Variants in ARHGAP39 observed in about 807,000 individuals in gnomAD.
ARHGAP39 encodes the protein Rho GTPase activating protein 39.
Under a neutral mutation model 106.9 loss-of-function variants are expected in ARHGAP39, and 44 were observed. The ratio of observed to expected loss-of-function variants is 0.41; its 90% confidence interval spans 0.32 to 0.53. The LOEUF is 0.53. Ranked by LOEUF, ARHGAP39 falls within the 20% of genes least tolerant of loss-of-function variation. The probability of loss-of-function intolerance (pLI) is 0.21; values close to 1 mark genes in which losing one functional copy is unlikely to be tolerated. For missense variants in ARHGAP39, 1,496 were observed against 1,577.3 expected, an observed-to-expected ratio of 0.95 and a Z score of 0.87; for synonymous variants, 768 against 693.2, an observed-to-expected ratio of 1.11 and a Z score of -1.69.
chr8:144,594,062 G>A (rs545191990), intron 2 of ARHGAP39, among the ~76,000 whole-genome samples: 6 of 146,256 alleles, frequency 4.1e-5, no homozygotes, highest in African/African-American at 1.0e-4. Flanking sequence ...GCACTCCAGC[G>A]TGGGCGACAA....
At chr8:144,611,429 A>G (rs960956848) in intron 1 of ARHGAP39, among the ~76,000 whole-genome samples, 2 of 152,302 alleles carry the variant, frequency 1.3e-5, no homozygotes, top group Non-Finnish European at 2.9e-5. Context: ...TCTATCCATC[A>G]CTGAGAAACA....
At chr8:144,555,248 T>C (rs1367547841) in intron 4 of ARHGAP39, among the ~76,000 whole-genome samples, 1 of 152,246 alleles carries the variant, frequency 6.6e-6, no homozygotes, top group Non-Finnish European at 1.5e-5. Flanking sequence ...TGGCCTGAGA[T>C]GCCAGGGGTG....
At position 144,545,695 on chromosome 8, in the gene ARHGAP39, G is replaced by A. The variant is rs144075531; in HGVS notation, c.2075C>T (p.Thr692Met). The A allele has an allele frequency of 6.0e-5, 97 of 1,613,106 alleles. No individual in the cohort carries two copies. The highest frequency in any genetic ancestry group is 5.0e-5 in the Admixed American group (3 of 60,002). The change falls in exon 6 of 12, where the codon ACG becomes ATG. Residue 692 changes from threonine (T) to methionine (M), a missense_variant. Thr to Met is a moderately conservative substitution (Grantham distance 81). Coordinates refer to ENST00000377307, the MANE Select transcript of ARHGAP39 (RefSeq NM_025251.3). ...TFTLRKPSSE[T>M]DIENWASKHF... ...CTTGGAGGCCCAGTTCTCGATGTCC[G>A]TCTCCGAGGAGGGCTTGCGCAGCGT...
chr8:144,643,570 T>C (rs563489901), intron 1 of ARHGAP39, among the ~76,000 whole-genome samples: 3 of 152,330 alleles, frequency 2.0e-5, no homozygotes, highest in East Asian at 1.9e-4. Context: ...TTTGACGAAG[T>C]GGCCTCCATC....
chr8:144,580,420 G>T (rs1003327472), intron 3 of ARHGAP39, among the ~76,000 whole-genome samples: 14 of 152,210 alleles, frequency 9.2e-5, no homozygotes, highest in African/African-American at 3.4e-4. Flanking sequence ...TGAGGGGCAG[G>T]GTTGGAGGAC....
chr8:144,680,863 A>AG (rs575901819), intron 1 of ARHGAP39, among the ~76,000 whole-genome samples: 213 of 152,272 alleles, frequency 1.4e-3, no homozygotes, highest in African/African-American at 4.7e-3. Context: ...TTATCAATGG[A>AG]GGGGGGTGCT....
At chr8:144,623,530 G>A (rs1468093133) in intron 1 of ARHGAP39, among the ~76,000 whole-genome samples, 3 of 152,250 alleles carry the variant, frequency 2.0e-5, no homozygotes, top group Admixed American at 6.5e-5. Context: ...AGGCTTCCGC[G>A]ACTGGCGAGG....
rs1821438374 is a variant in ARHGAP39 at position 144,646,163 on chromosome 8, A to G, written c.-82+39523T>C. Reference sequence around the variant, plus strand: ...CGCAAGCTTGGAGCCTGCTGGAGGAAGGGCACAGGCCACCGGAGGGGATGT... The same window carrying G: ...CGCAAGCTTGGAGCCTGCTGGAGGAGGGGCACAGGCCACCGGAGGGGATGT... On this transcript the variant is annotated intron_variant, in intron 1 of 11. Transcript: ENST00000377307. The surrounding 1 kb of genome is among the most constrained non-coding windows in gnomAD (Gnocchi z 5.7). 6.6e-6 allele frequency among the ~76,000 whole-genome samples: 1 copy of G among 152,170 alleles called. No homozygotes were observed. Among genetic ancestry groups the G allele is most frequent in the South Asian group, 2.1e-4 (1 of 4,822 alleles).
At chr8:144,607,235 CAAAAAAAAAAAA>C (rs1167793437) in intron 1 of ARHGAP39, among the ~76,000 whole-genome samples, 4 of 50,696 alleles carry the variant, frequency 7.9e-5, no homozygotes, top group African/African-American at 2.8e-4. Context: ...GACATTGTCT[CAAAAAAAAAAAA>C]AAAAAAAAAA....
chr8:144,618,837 G>A lies in ARHGAP39; in HGVS notation c.-81-13142C>T, dbSNP rs976801252. On this transcript the variant is annotated intron_variant, in intron 1 of 11. Transcript: ENST00000377307. Reference sequence around the variant, plus strand: ...CTACCTCCTCCCGAGGCCCTGTGGCGTGGCGTGAGCAGGACCGCGGGCGCA... The same window carrying A: ...CTACCTCCTCCCGAGGCCCTGTGGCATGGCGTGAGCAGGACCGCGGGCGCA... Among the ~76,000 whole-genome samples the A allele has an allele frequency of 6.6e-5, 10 of 152,384 alleles. 1 individual carries two copies. The highest frequency in any genetic ancestry group is 3.4e-3 in the Middle Eastern group (1 of 294).
chr8:144,588,646 A>G (rs113618560), intron 2 of ARHGAP39, among the ~76,000 whole-genome samples: 7,582 of 152,346 alleles, frequency 0.05, 373 homozygotes, highest in African/African-American at 0.12. Flanking sequence ...CTGGGGACCC[A>G]GCTGGCCACC....
intron 1 of ARHGAP39, among the ~76,000 whole-genome samples, chr8:144,683,932 C>T (rs1822501215): frequency 1.3e-5 from 2 of 152,164 alleles, no homozygotes; most frequent in African/African-American, 4.8e-5. Flanking sequence ...CACAGTGTGC[C>T]ACGAACAAAG....
chr8:144,641,189 G>A lies in ARHGAP39; in HGVS notation c.-81-35494C>T, dbSNP rs112055589. On this transcript the variant is annotated intron_variant, in intron 1 of 11. Transcript: ENST00000377307. The surrounding 1 kb of genome is among the most constrained non-coding windows in gnomAD (Gnocchi z 5.2). ...GGATCACGGGGGGAAAGACCACACC[G>A]GCTTCTGGTTCTCAGGTTCTAGTCT... is the stretch of plus-strand genomic sequence containing the variant. Among the ~76,000 whole-genome samples the A allele has an allele frequency of 0.036, 5,500 of 152,076 alleles. 346 individuals are homozygous for A. The highest frequency in any genetic ancestry group is 0.13 in the African/African-American group (5,242 of 41,470).
intron 4 of ARHGAP39, among the ~76,000 whole-genome samples, chr8:144,552,225 G>C (rs1029568834): frequency 5.9e-5 from 9 of 152,232 alleles, no homozygotes; most frequent in Non-Finnish European, 1.2e-4. Context: ...GGGCCCTGAG[G>C]GCTGCTTCTC....
In ARHGAP39 at chr8:144,676,460, C is replaced by T. The variant is rs7840257; in HGVS notation, c.-82+9226G>A. On this transcript the variant is annotated intron_variant, in intron 1 of 11. Coordinates refer to ENST00000377307, the MANE Select transcript of ARHGAP39 (RefSeq NM_025251.3). ...GTTTACAAACCTTGAGCTAGACACACGTGCTGCTGACTGGTGCGTTTACAA... is the reference window on the plus strand; with the variant it reads ...GTTTACAAACCTTGAGCTAGACACATGTGCTGCTGACTGGTGCGTTTACAA... Among the ~76,000 whole-genome samples, 1,037 of 124,776 alleles carry T rather than the reference C, an allele frequency of 8.3e-3. 16 individuals are homozygous for T. Among genetic ancestry groups the T allele is most frequent in the African/African-American group, 0.048 (995 of 20,906 alleles). The allele number at this position is 124,776 out of a possible 152,430, so 81.9% of individuals were successfully genotyped here.
At chr8:144,653,111 A>G (rs1323217664) in intron 1 of ARHGAP39, among the ~76,000 whole-genome samples, 2 of 152,126 alleles carry the variant, frequency 1.3e-5, no homozygotes, top group Non-Finnish European at 2.9e-5. Flanking sequence ...CAGCCTGATC[A>G]ACATGGTGAA....
chr8:144,685,885 C>T (rs1164636229), upstream of ARHGAP39, among the ~76,000 whole-genome samples: 1 of 149,500 alleles, frequency 6.7e-6, no homozygotes, highest in African/African-American at 2.4e-5. Context: ...CGCAACCCCC[C>T]GCCTCCGGCT....
At chr8:144,595,493 C>A (rs1274260508) in intron 2 of ARHGAP39, among the ~76,000 whole-genome samples, 2 of 152,146 alleles carry the variant, frequency 1.3e-5, no homozygotes, top group Non-Finnish European at 2.9e-5. Context: ...TCTGACTGTT[C>A]TAAGAGCCAC....
At position 144,557,781 on chromosome 8, in the gene ARHGAP39, T is replaced by C. The variant is rs139004574; in HGVS notation, c.513-2138A>G. On this transcript the variant is annotated intron_variant, in intron 3 of 11. Coordinates refer to ENST00000377307, the MANE Select transcript of ARHGAP39 (RefSeq NM_025251.3). ...GGCAAAAGGCTGAACCTTCGTAGTA[T>C]TCAGTGGCAAAAGGCTGAAAGCATA... Among the ~76,000 whole-genome samples, 533 of 152,352 alleles carry C rather than the reference T, an allele frequency of 3.5e-3. 5 individuals are homozygous for C. The highest frequency in any genetic ancestry group is 0.012 in the African/African-American group (495 of 41,576).
Sources: allele counts gnomAD v4.1 joint callset (sites outside exome capture counted in the v4.1 genomes callset), GRCh38; gene constraint gnomAD v4.1.1; non-coding constraint Gnocchi (gnomAD v3.1); transcripts MANE v1.5; gene names NCBI Gene and HGNC (gene_info 2026-07-23, HGNC 2026-07-21).